NCOA6: variants seen among roughly 807,000 people sequenced by gnomAD.
NCOA6 encodes the protein nuclear receptor coactivator 6.
In NCOA6, 49 loss-of-function variants were observed where a neutral mutation model predicts 171.4. The observed-to-expected ratio is 0.29, with a 90% CI of 0.23 to 0.36. The LOEUF is 0.36. Ranked by LOEUF, NCOA6 falls within the 10% of genes least tolerant of loss-of-function variation. NCOA6 has a pLI of 1.00. For synonymous variants in NCOA6, 910 were observed against 927.5 expected (o/e 0.98, Z 0.34); for missense variants, 2,248 against 2,554.5 (o/e 0.88, Z 2.59).
chr20:34,731,521 T>G (rs2075778405), intron 13 of NCOA6, among the ~76,000 whole-genome samples: 1 of 152,260 alleles, frequency 6.6e-6, no homozygotes, highest in Admixed American at 6.5e-5. Flanking sequence ...TAATAGATAC[T>G]GTGAAAATTA....
intron 14 of NCOA6, among the ~76,000 whole-genome samples, chr20:34,715,877 T>C (rs947618985): frequency 2.0e-5 from 3 of 152,276 alleles, no homozygotes; most frequent in Admixed American, 6.5e-5. Context: ...AACATGACCA[T>C]GGGCCTTGGT....
chr20:34,740,533 C>A lies in NCOA6; in HGVS notation c.5723G>T (p.Gly1908Val), dbSNP rs1310719614. 1 of 1,613,976 alleles carries A rather than the reference C, an allele frequency of 6.2e-7. No individual in the cohort carries two copies. Among genetic ancestry groups the A allele is most frequent in the South Asian group, 1.1e-5 (1 of 91,082 alleles). ...TASAGPSLPG[G>V]ALPTSVRSIV... ...CGAGCGTACACTGGTGGGGAGAGCA[C>A]CGCCAGGTAAGCTGGGTCCTGCTGA... The change falls in exon 11 of 15, where the codon GGT becomes GTT. Residue 1908 changes from glycine (G) to valine (V), a missense_variant. Physicochemically the swap from Gly to Val is moderately radical, Grantham distance 109. Transcript: ENST00000359003.
At chr20:34,784,653 T>C (rs1243438178) in intron 2 of NCOA6, among the ~76,000 whole-genome samples, 1 of 151,970 alleles carries the variant, frequency 6.6e-6, no homozygotes, top group African/African-American at 2.4e-5. Context: ...TGGTGGTGCA[T>C]GCCTATAGCC....
rs143841491 is a variant in NCOA6 at position 34,801,056 on chromosome 20, T to G, written c.-163-8493A>C. On this transcript the variant is annotated intron_variant, in intron 1 of 14. Transcript: ENST00000359003. ...ACTAAAAATCAATAACAAGTGAAAT[T>G]TTGGAAACTATACAAACACATGGAA... Among the ~76,000 whole-genome samples the G allele has an allele frequency of 3.7e-4, 57 of 152,220 alleles. 2 individuals carry two copies. In the East Asian group the frequency reaches 6.4e-3, roughly 17 times the overall value.
intron 8 of NCOA6, among the ~76,000 whole-genome samples, chr20:34,752,735 C>T (rs1253146626): frequency 6.6e-6 from 1 of 151,844 alleles, no homozygotes; most frequent in African/African-American, 2.4e-5. Flanking sequence ...TCGAGACCAG[C>T]CTGGCCAACA....
intron 11 of NCOA6, chr20:34,738,907 A>G (rs530337433): frequency 4.4e-6 from 2 of 456,092 alleles, no homozygotes; most frequent in Non-Finnish European, 4.4e-6. Flanking sequence ...CTTACCACTC[A>G]GTGGTAGGCA....
rs1198352683 is a variant in NCOA6 at position 34,758,071 on chromosome 20, A to C, written c.677T>G (p.Ile226Arg). 3 of 1,613,662 alleles carry C rather than the reference A, an allele frequency of 1.9e-6. No homozygotes were observed. Among genetic ancestry groups the C allele is most frequent in the Non-Finnish European group, 2.5e-6 (3 of 1,179,600 alleles). ...AMDPLLSGLHIQQQSHPSGSL... is the reference protein window; with the variant it reads ...AMDPLLSGLHRQQQSHPSGSL... ...TCCTGAGGGATGACTTTGCTGCTGT[A>C]TATGGAGCCCAGAGAGGAGTGGATC... The change falls in exon 7 of 15, where the codon ATA becomes AGA. Residue 226 changes from isoleucine (I) to arginine (R), a missense_variant. Physicochemically the swap from Ile to Arg is moderately conservative, Grantham distance 97. Coordinates refer to ENST00000359003, the MANE Select transcript of NCOA6 (RefSeq NM_014071.5).
chr20:34,811,201 GTATATATATATATATATATATATATA>G (rs10700283), intron 1 of NCOA6, among the ~76,000 whole-genome samples: 9 of 53,842 alleles, frequency 1.7e-4, no homozygotes, highest in South Asian at 1.2e-3. Context: ...ACAACAACGT[GTATATATATATATATATATATATATA>G]TATATATATG....
At chr20:34,723,446 A>G (rs541894367) in intron 14 of NCOA6, among the ~76,000 whole-genome samples, 2 of 152,332 alleles carry the variant, frequency 1.3e-5, no homozygotes, top group African/African-American at 4.8e-5. Flanking sequence ...AGACAGTTAG[A>G]GAATGATGGC....
Position 34,741,125 on chromosome 20 carries a change from C to T in NCOA6, c.5131G>A (p.Ala1711Thr), listed in dbSNP as rs919615252. 6.2e-7 allele frequency: 1 copy of T among 1,614,170 alleles called. No individual in the cohort carries two copies. The highest frequency in any genetic ancestry group is 1.7e-5 in the Admixed American group (1 of 60,016). Residue 1711 changes from alanine to threonine, a missense_variant, in exon 11 of 15, where the codon GCT (alanine) becomes ACT (threonine). Physicochemically the swap from Ala to Thr is moderately conservative, Grantham distance 58 (BLOSUM62 0). Around this residue, in one of 7 missense-constraint regions of NCOA6, gnomAD observed 884 missense variants for 941.9 expected, o/e 0.94. Transcript: ENST00000359003. Reference sequence around the variant, plus strand: ...GAGAGGGCATTAGGCGGTACAGGAGCAGAAGAAAATTTTATGTTCTGAGGT... The same window carrying T: ...GAGAGGGCATTAGGCGGTACAGGAGTAGAAGAAAATTTTATGTTCTGAGGT... ...HIPQNIKFSSAPVPPNALSSS... is the reference protein window; with the variant it reads ...HIPQNIKFSSTPVPPNALSSS...
intron 14 of NCOA6, among the ~76,000 whole-genome samples, chr20:34,721,238 C>CAAAAAAAAAAAAAAA (rs10531679): frequency 1.5e-4 from 10 of 66,042 alleles, no homozygotes; most frequent in African/African-American, 6.4e-4. Context: ...TTCCTCTATA[C>CAAAAAAAAAAAAAAA]AAAAAAAAAA....
chr20:34,796,905 CT>C (rs1209551889), intron 1 of NCOA6, among the ~76,000 whole-genome samples: 2 of 151,934 alleles, frequency 1.3e-5, no homozygotes, highest in Non-Finnish European at 2.9e-5. Context: ...CACTATGTAT[CT>C]TTTTGAATAA....
chr20:34,810,934 T>C (rs1308758020), intron 1 of NCOA6, among the ~76,000 whole-genome samples: 1 of 151,870 alleles, frequency 6.6e-6, no homozygotes, highest in African/African-American at 2.4e-5. Flanking sequence ...ATCAACTGTG[T>C]ACCTATTCAG....
intron 11 of NCOA6, 76 bp from the exon 12 acceptor site, chr20:34,736,834 G>A: frequency 7.7e-6 from 10 of 1,299,388 alleles, no homozygotes; most frequent in East Asian, 2.5e-5. Context: ...CCTAATCAAG[G>A]GCTAAGTAAC....
At chr20:34,738,783 A>G (rs2076037038) in intron 11 of NCOA6, 1 of 422,326 alleles carries the variant, frequency 2.4e-6, no homozygotes, top group Non-Finnish European at 4.9e-6. Context: ...AGTGAAATAC[A>G]TGGCTTAGGA....
At chr20:34,804,002 T>C in intron 1 of NCOA6, among the ~76,000 whole-genome samples, 1 of 139,246 alleles carries the variant, frequency 7.2e-6, no homozygotes. Context: ...CAAAAAACCG[T>C]CATCACAGCT....
At chr20:34,813,932 A>G (rs557255330) in intron 1 of NCOA6, among the ~76,000 whole-genome samples, 1 of 152,324 alleles carries the variant, frequency 6.6e-6, no homozygotes, top group Admixed American at 6.5e-5. Flanking sequence ...GTGGCTAAAA[A>G]GTGATAGCCT....
intron 12 of NCOA6, among the ~76,000 whole-genome samples, chr20:34,734,326 A>G (rs2075881823): frequency 6.6e-6 from 1 of 151,784 alleles, no homozygotes; most frequent in Non-Finnish European, 1.5e-5. Flanking sequence ...GGCCTCCCAA[A>G]GTCCTGAGAT....
chr20:34,717,412 T>C (rs1421763901), intron 14 of NCOA6, among the ~76,000 whole-genome samples: 1 of 152,082 alleles, frequency 6.6e-6, no homozygotes, highest in Admixed American at 6.6e-5. Context: ...ATTGCGCCAT[T>C]GCACTCCAGC....
Sources: allele counts gnomAD v4.1 joint callset (sites outside exome capture counted in the v4.1 genomes callset), GRCh38; gene constraint gnomAD v4.1.1; regional missense constraint gnomAD v4.1.1; transcripts MANE v1.5; gene names NCBI Gene and HGNC (gene_info 2026-07-23, HGNC 2026-07-21).